Variants in PCDH15 observed in about 807,000 individuals in gnomAD.
The protein encoded by PCDH15 is protocadherin-15.
PCDH15 carries 129 observed loss-of-function variants against 178.5 expected under a neutral mutation model. The ratio of observed to expected loss-of-function variants is 0.72; its 90% CI spans 0.63 to 0.84. PCDH15 has a LOEUF of 0.84. Among genes scored for constraint, PCDH15 ranks in the 40% least tolerant of loss-of-function variants. The probability of loss-of-function intolerance (pLI) is 0.00; values close to 1 mark genes in which losing one functional copy is unlikely to be tolerated. For synonymous variants in PCDH15, 800 were observed against 732.0 expected (o/e 1.09, Z -1.50); for missense variants, 2,230 against 2,099.9 (o/e 1.06, Z -1.21).
intron 1 of PCDH15, among the ~76,000 whole-genome samples, chr10:55,202,617 GTTCAT>G (rs1554840532): frequency 2.6e-5 from 4 of 152,062 alleles, no homozygotes; most frequent in Non-Finnish European, 5.9e-5. Flanking sequence ...CCTTGTTTGC[GTTCAT>G]TTCTTGTCCA....
At chr10:54,785,158 C>A (rs1950729353) in intron 1 of PCDH15, among the ~76,000 whole-genome samples, 1 of 151,808 alleles carries the variant, frequency 6.6e-6, no homozygotes, top group African/African-American at 2.4e-5. Context: ...TATAAAAATG[C>A]CTTTCTTTTT....
chr10:55,150,307 G>C (rs536833577), intron 2 of PCDH15, among the ~76,000 whole-genome samples: 1 of 152,126 alleles, frequency 6.6e-6, no homozygotes, highest in East Asian at 1.9e-4. Flanking sequence ...ATATACACAA[G>C]ATAAATGGCC....
At chr10:53,920,648 C>A (rs2083920898) in intron 25 of PCDH15, among the ~76,000 whole-genome samples, 1 of 152,122 alleles carries the variant, frequency 6.6e-6, no homozygotes, top group Non-Finnish European at 1.5e-5. Flanking sequence ...TGAACTTTAT[C>A]TGTTCCTTTC....
At chr10:55,194,744 A>G (rs902610134) in intron 1 of PCDH15, among the ~76,000 whole-genome samples, 3 of 152,080 alleles carry the variant, frequency 2.0e-5, no homozygotes, top group African/African-American at 7.3e-5. Context: ...ACCCAGTAAA[A>G]ATAATTAGCA....
intron 13 of PCDH15, among the ~76,000 whole-genome samples, chr10:54,167,238 G>C (rs573076172): frequency 6.6e-6 from 1 of 152,064 alleles, no homozygotes; most frequent in Non-Finnish European, 1.5e-5. Context: ...TCCTCAGACC[G>C]ACCAGCCCAA....
At chr10:54,159,908 A>G (rs2045540444) in intron 13 of PCDH15, among the ~76,000 whole-genome samples, 2 of 152,284 alleles carry the variant, frequency 1.3e-5, no homozygotes, top group South Asian at 4.1e-4. Flanking sequence ...TGGATAGAGG[A>G]TTCATTCTTA....
intron 26 of PCDH15, among the ~76,000 whole-genome samples, chr10:53,869,269 C>G (rs558430165): frequency 2.0e-5 from 3 of 152,054 alleles, no homozygotes; most frequent in Non-Finnish European, 4.4e-5. Flanking sequence ...AGAAAATGAA[C>G]AAAGAAAGAA....
At chr10:54,441,745 A>G (rs1214837571) in intron 3 of PCDH15, among the ~76,000 whole-genome samples, 1 of 151,862 alleles carries the variant, frequency 6.6e-6, no homozygotes, top group African/African-American at 2.4e-5. Flanking sequence ...TTGACTTCCC[A>G]GGATATGTCT....
At chr10:55,474,084 C>G (rs554349845) in intron 2 of PCDH15, among the ~76,000 whole-genome samples, 5 of 152,070 alleles carry the variant, frequency 3.3e-5, no homozygotes, top group East Asian at 1.9e-4. Flanking sequence ...ATTCATGTTG[C>G]GTTGAAGGTT....
intron 26 of PCDH15, among the ~76,000 whole-genome samples, chr10:53,892,063 C>T (rs1331008625): frequency 6.2e-5 from 8 of 129,414 alleles, no homozygotes; most frequent in African/African-American, 9.0e-5. Context: ...GAGTCTCTGT[C>T]GCCCAGGCCG....
chr10:55,267,978 T>C (rs1842344641), intron 1 of PCDH15, among the ~76,000 whole-genome samples: 1 of 150,210 alleles, frequency 6.7e-6, no homozygotes, highest in Non-Finnish European at 1.5e-5. Flanking sequence ...CTTTTTATTG[T>C]GTCTGAAATT....
intron 17 of PCDH15, among the ~76,000 whole-genome samples, chr10:54,075,331 C>T (rs61858407): frequency 0.072 from 10,930 of 151,868 alleles, 493 homozygotes; most frequent in East Asian, 0.22. Context: ...GAGCCGAGAT[C>T]GCGCCACTGC....
At chr10:55,399,916 A>C (rs1473409041) in intron 2 of PCDH15, among the ~76,000 whole-genome samples, 2 of 152,070 alleles carry the variant, frequency 1.3e-5, no homozygotes, top group Non-Finnish European at 2.9e-5. Context: ...CCCACATATT[A>C]TTATTTTGGC....
chr10:55,230,798 T>C (rs1047558153), intron 1 of PCDH15, among the ~76,000 whole-genome samples: 1 of 151,956 alleles, frequency 6.6e-6, no homozygotes, highest in Admixed American at 6.6e-5. Flanking sequence ...GGAAAAATTA[T>C]GGAAACCAGA....
At chr10:54,498,254 T>C (rs1011777858) in intron 3 of PCDH15, among the ~76,000 whole-genome samples, 1 of 152,052 alleles carries the variant, frequency 6.6e-6, no homozygotes, top group Non-Finnish European at 1.5e-5. Flanking sequence ...AATAAACAAA[T>C]GTTAAGGGAA....
chr10:54,036,022 C>T (rs1287532523), intron 18 of PCDH15, among the ~76,000 whole-genome samples: 1 of 151,880 alleles, frequency 6.6e-6, no homozygotes, highest in Admixed American at 6.6e-5. Context: ...GACCTTAACT[C>T]TCTTCCTTTC....
At chr10:54,425,008 T>TAAAAAAAAAAA (rs777958846) in intron 3 of PCDH15, among the ~76,000 whole-genome samples, 1 of 107,674 alleles carries the variant, frequency 9.3e-6, no homozygotes, top group African/African-American at 3.0e-5. Flanking sequence ...TAAAGTATAA[T>TAAAAAAAAAAA]AAAAAAAAAA....
At chr10:55,242,628 G>A (rs1461746568) in intron 1 of PCDH15, among the ~76,000 whole-genome samples, 1 of 152,064 alleles carries the variant, frequency 6.6e-6, no homozygotes, top group Non-Finnish European at 1.5e-5. Context: ...GATCGCTTGA[G>A]CCCAGGAGTT....
chr10:54,279,352 AAATT>A (rs2132674669), intron 8 of PCDH15, among the ~76,000 whole-genome samples: 1 of 151,688 alleles, frequency 6.6e-6, no homozygotes, highest in South Asian at 2.1e-4. Flanking sequence ...AATGTATTTG[AAATT>A]AATTATTTTA....
Sources: allele counts gnomAD v4.1 joint callset (sites outside exome capture counted in the v4.1 genomes callset), GRCh38; gene constraint gnomAD v4.1.1; transcripts MANE v1.5; gene names NCBI Gene and HGNC (gene_info 2026-07-23, HGNC 2026-07-21).